SORBS2: variants seen among roughly 807,000 people sequenced by gnomAD.
SORBS2 encodes the protein sorbin and SH3 domain-containing protein 2.
SORBS2 carries 46 observed loss-of-function variants against 97.7 expected under a neutral mutation model. That is an observed-to-expected ratio of 0.47 (90% CI 0.37 to 0.60). SORBS2 has a LOEUF of 0.60. Ranked by LOEUF, SORBS2 falls within the 20% of genes least tolerant of loss-of-function variation. SORBS2 has a pLI of 0.00. For synonymous variants in SORBS2, 476 were observed against 473.4 expected, an observed-to-expected ratio of 1.01 and a Z score of -0.07; for missense variants, 1,316 against 1,282.3, an observed-to-expected ratio of 1.03 and a Z score of -0.40.
intron 1 of SORBS2, among the ~76,000 whole-genome samples, chr4:185,797,191 C>G (rs1290395905): frequency 6.6e-6 from 1 of 152,230 alleles, no homozygotes; most frequent in African/African-American, 2.4e-5. Context: ...TTGGCAGACA[C>G]TGTTTCAGAT....
Position 185,845,773 on chromosome 4 carries a change from C to A in SORBS2, c.-337-70407G>T, listed in dbSNP as rs141028208. On this transcript the variant is annotated intron_variant, in intron 1 of 20. Transcript: ENST00000284776. ...CAAAAGTTTTGAACAGGTACTTTAA[C>A]CAAAGAGGAGATGCAGATCTAAATA... Among the ~76,000 whole-genome samples, 3 of 152,196 alleles carry A rather than the reference C, an allele frequency of 2.0e-5. No homozygotes were observed. In the East Asian group the frequency reaches 5.8e-4, roughly 29 times the overall value.
chr4:185,630,440 T>A, intron 5 of SORBS2, 109 bp downstream of exon 17: 1 of 550,692 alleles, frequency 1.8e-6, no homozygotes, highest in Non-Finnish European at 3.1e-6. Context: ...GTACTTCAAA[T>A]AAAAATGAGT....
intron 1 of SORBS2, among the ~76,000 whole-genome samples, chr4:185,866,653 A>T (rs1396724910): frequency 2.6e-5 from 4 of 152,220 alleles, no homozygotes; most frequent in Non-Finnish European, 2.9e-5. Flanking sequence ...CTCCATCTCA[A>T]AATTGACAGT....
chr4:185,678,145 T>C (rs1050371330), intron 4 of SORBS2, among the ~76,000 whole-genome samples: 2 of 152,192 alleles, frequency 1.3e-5, no homozygotes, highest in Admixed American at 1.3e-4. Context: ...AAGCATCAGC[T>C]GTCAGCTTTT....
intron 2 of SORBS2, among the ~76,000 whole-genome samples, chr4:185,707,688 C>T (rs911717794): frequency 1.2e-4 from 19 of 152,156 alleles, no homozygotes; most frequent in African/African-American, 4.6e-4. Context: ...ATTTAATTGA[C>T]TCACAGTTCC....
chr4:185,913,789 A>G (rs1489673693), intron 1 of SORBS2, among the ~76,000 whole-genome samples: 1 of 152,190 alleles, frequency 6.6e-6, no homozygotes, highest in African/African-American at 2.4e-5. Flanking sequence ...ATTCATTGCA[A>G]TGGTTTAGTC....
chr4:185,603,423 G>C (rs1026996186), intron 12 of SORBS2, among the ~76,000 whole-genome samples: 1 of 152,202 alleles, frequency 6.6e-6, no homozygotes, highest in African/African-American at 2.4e-5. Flanking sequence ...AGCAATTAAA[G>C]TGTTTCATTT....
intron 4 of SORBS2, among the ~76,000 whole-genome samples, chr4:185,636,510 A>T (rs896248307): frequency 6.6e-6 from 1 of 152,190 alleles, no homozygotes; most frequent in East Asian, 1.9e-4. Flanking sequence ...TTTCTAAAAA[A>T]ACTATCAGTG....
intron 2 of SORBS2, among the ~76,000 whole-genome samples, chr4:185,698,012 G>T (rs1045941061): frequency 1.4e-4 from 22 of 152,132 alleles, no homozygotes; most frequent in African/African-American, 5.1e-4. Context: ...GTAGAAGCAA[G>T]CATCAAAGGC....
intron 1 of SORBS2, among the ~76,000 whole-genome samples, chr4:185,849,352 G>C (rs2099216458): frequency 6.6e-6 from 1 of 152,078 alleles, no homozygotes; most frequent in African/African-American, 2.4e-5. Flanking sequence ...TTTTGAAGTA[G>C]GATTTTCCTT....
chr4:185,705,389 T>C (rs1056155254), intron 2 of SORBS2, among the ~76,000 whole-genome samples: 1 of 151,952 alleles, frequency 6.6e-6, no homozygotes, highest in Non-Finnish European at 1.5e-5. Context: ...CTACTAAAAA[T>C]ACAAAAATTA....
At chr4:185,736,117 G>A (rs1226651811) in intron 2 of SORBS2, among the ~76,000 whole-genome samples, 1 of 152,232 alleles carries the variant, frequency 6.6e-6, no homozygotes, top group East Asian at 1.9e-4. Flanking sequence ...ACTCTCCACT[G>A]CCGCAGCGCG....
At chr4:185,654,121 A>G (rs1314969285) in intron 1 of SORBS2, among the ~76,000 whole-genome samples, 3 of 152,180 alleles carry the variant, frequency 2.0e-5, no homozygotes, top group Non-Finnish European at 4.4e-5. Context: ...ATGAAGGGCC[A>G]CTTGACTTCG....
intron 9 of SORBS2, among the ~76,000 whole-genome samples, chr4:185,616,056 G>C (rs2096621238): frequency 6.6e-6 from 1 of 152,126 alleles, no homozygotes; most frequent in African/African-American, 2.4e-5. Flanking sequence ...CTTGGATGGA[G>C]GGCGATTAAT....
chr4:185,887,562 G>T (rs1214195964), intron 1 of SORBS2, among the ~76,000 whole-genome samples: 1 of 152,142 alleles, frequency 6.6e-6, no homozygotes, highest in Non-Finnish European at 1.5e-5. Flanking sequence ...TTTGTGGTAT[G>T]TTAAAAATAT....
intron 1 of SORBS2, among the ~76,000 whole-genome samples, chr4:185,886,554 C>CAAAAAAAAAAAAAA (rs1198439527): frequency 1.4e-5 from 1 of 72,950 alleles, no homozygotes; most frequent in Admixed American, 1.5e-4. Context: ...GACTCTGTCT[C>CAAAAAAAAAAAAAA]AAAAAAAAAA....
upstream of SORBS2, among the ~76,000 whole-genome samples, chr4:185,659,255 G>A (rs891566771): frequency 3.9e-5 from 6 of 152,082 alleles, no homozygotes; most frequent in Admixed American, 2.0e-4. Flanking sequence ...CTGAATAAAC[G>A]AACAGCATCA....
intron 4 of SORBS2, among the ~76,000 whole-genome samples, chr4:185,673,676 G>C (rs547507653): frequency 1.3e-5 from 2 of 152,232 alleles, no homozygotes; most frequent in African/African-American, 4.8e-5. Flanking sequence ...TGAGAAAACT[G>C]CTGCTCGGGG....
chr4:185,726,324 T>C (rs1017819367), intron 2 of SORBS2, among the ~76,000 whole-genome samples: 2 of 152,222 alleles, frequency 1.3e-5, no homozygotes, highest in Non-Finnish European at 2.9e-5. Flanking sequence ...TTTATGTTAT[T>C]TATGTTGGTG....
Sources: gnomAD v4.1 joint callset for allele counts (sites outside exome capture counted in the v4.1 genomes callset) on GRCh38, gnomAD v4.1.1 for gene constraint, MANE v1.5 for transcripts, NCBI Gene and HGNC (gene_info 2026-07-23, HGNC 2026-07-21) for gene names.